Variants in GBE1 observed in about 807,000 individuals in gnomAD.
GBE1 encodes 1,4-alpha-glucan branching enzyme 1, also known as 1,4-alpha-glucan-branching enzyme.
Under a neutral mutation model 88.8 loss-of-function variants are expected in GBE1, and 70 were observed. That is an observed-to-expected ratio of 0.79 (90% confidence interval 0.65 to 0.96). The LOEUF is 0.96. Among genes scored for constraint, GBE1 ranks in the 40% least tolerant of loss-of-function variants. The pLI, the probability that GBE1 is intolerant of heterozygous loss-of-function variation, is 0.00. For missense variants in GBE1, 872 were observed against 871.0 expected (o/e 1.00, Z -0.01); for synonymous variants, 284 against 300.1 (o/e 0.95, Z 0.56).
intron 14 of GBE1, chr3:81,534,986 A>G: frequency 2.0e-6 from 1 of 496,846 alleles, no homozygotes; most frequent in Non-Finnish European, 3.5e-6. Context: ...CCCTCTGTTT[A>G]AACCCAAAAT....
intron 1 of GBE1, among the ~76,000 whole-genome samples, chr3:81,760,489 T>G (rs546579132): frequency 6.6e-6 from 1 of 152,354 alleles, no homozygotes; most frequent in East Asian, 1.9e-4. Context: ...CATTCTGCAG[T>G]GTCTCTCCTA....
chr3:81,546,688 G>C (rs1389962109), intron 12 of GBE1, among the ~76,000 whole-genome samples: 2 of 151,434 alleles, frequency 1.3e-5, no homozygotes, highest in Non-Finnish European at 3.0e-5. Context: ...TACCCTCTAT[G>C]GTCTAAAAGT....
At chr3:81,562,350 T>A (rs1009460441) in intron 12 of GBE1, among the ~76,000 whole-genome samples, 1 of 152,142 alleles carries the variant, frequency 6.6e-6, no homozygotes, top group African/African-American at 2.4e-5. Flanking sequence ...TCTGGATGAA[T>A]GACTGTAGTT....
chr3:81,615,115 A>G (rs1454319454), intron 7 of GBE1, among the ~76,000 whole-genome samples: 1 of 152,242 alleles, frequency 6.6e-6, no homozygotes, highest in Non-Finnish European at 1.5e-5. Context: ...AATGAAGACT[A>G]CTGCCAAATG....
At chr3:81,524,558 T>C (rs1702918951) in intron 14 of GBE1, among the ~76,000 whole-genome samples, 1 of 151,792 alleles carries the variant, frequency 6.6e-6, no homozygotes, top group Non-Finnish European at 1.5e-5. Context: ...GATTTCAGTC[T>C]TTAATCCACT....
chr3:81,510,738 A>C (rs1559628823), intron 14 of GBE1, among the ~76,000 whole-genome samples: 1 of 152,090 alleles, frequency 6.6e-6, no homozygotes, highest in Non-Finnish European at 1.5e-5. Flanking sequence ...TGGAAATAAA[A>C]AATAAAAAAT....
At chr3:81,738,437 C>T (rs879212216) in intron 1 of GBE1, among the ~76,000 whole-genome samples, 5 of 151,952 alleles carry the variant, frequency 3.3e-5, no homozygotes, top group Non-Finnish European at 7.4e-5. Flanking sequence ...TTTTTAATGA[C>T]TGCCATTCTA....
In GBE1 at chr3:81,646,476, T is replaced by G; in HGVS notation, c.698A>C (p.Asn233Thr). 1 of 1,580,798 alleles carries G rather than the reference T, an allele frequency of 6.3e-7. No individual in the cohort carries two copies. The highest frequency in any genetic ancestry group is 8.6e-7 in the Non-Finnish European group (1 of 1,156,952). ...CATGATTGCCATCAACTGAATGCAG[T>G]TGTATCCTATATAAGGCAATGGTCA... ...VLPRIKGLGY[N>T]CIQLMAIMEH... is the part of the protein sequence containing the mutation. The change falls in exon 6 of 16, where the codon AAC (asparagine) becomes ACC (threonine). Residue 233 changes from asparagine (N) to threonine (T), a missense_variant. Transcript: ENST00000429644.
At chr3:81,620,641 C>T (rs1238792323) in intron 7 of GBE1, among the ~76,000 whole-genome samples, 2 of 151,728 alleles carry the variant, frequency 1.3e-5, no homozygotes, top group Non-Finnish European at 2.9e-5. Flanking sequence ...TGACGTGGTC[C>T]GGTAAAAAGA....
At chr3:81,501,686 CTT>C (rs35149061) in intron 14 of GBE1, among the ~76,000 whole-genome samples, 15 of 71,994 alleles carry the variant, frequency 2.1e-4, no homozygotes, top group Middle Eastern at 0.011. Flanking sequence ...CTTAGGGGCA[CTT>C]TTTTTTTTTT....
chr3:81,631,868 C>A (rs915461569), intron 7 of GBE1, among the ~76,000 whole-genome samples: 1 of 152,066 alleles, frequency 6.6e-6, no homozygotes. Flanking sequence ...GTTTGTTACA[C>A]AGATATACAT....
chr3:81,588,640 A>G (rs1703832312), intron 9 of GBE1, among the ~76,000 whole-genome samples: 2 of 152,188 alleles, frequency 1.3e-5, no homozygotes. Flanking sequence ...CTCAAAAAAA[A>G]GTATCAAAGA....
intron 14 of GBE1, among the ~76,000 whole-genome samples, chr3:81,503,564 G>A (rs913864099): frequency 5.9e-5 from 9 of 152,274 alleles, no homozygotes; most frequent in Non-Finnish European, 1.3e-4. Flanking sequence ...TGGGAAAGGA[G>A]AGACATAGAC....
intron 7 of GBE1, among the ~76,000 whole-genome samples, chr3:81,625,142 A>G (rs1467739054): frequency 1.3e-5 from 2 of 152,038 alleles, no homozygotes; most frequent in East Asian, 3.9e-4. Flanking sequence ...GGTGTGGGGA[A>G]GAAAAACACA....
At position 81,732,717 on chromosome 3, in the gene GBE1, C is replaced by T. The variant is rs536517144; in HGVS notation, c.144-27104G>A. ...TAGCCATAACTAGTCGTCCTGTTTA[C>T]ATCCTTGCCTCCTACAATCTATTTT... is the stretch of plus-strand genomic sequence containing the variant. On this transcript the variant is annotated intron_variant, in intron 1 of 15. Coordinates refer to ENST00000429644, the MANE Select transcript of GBE1 (RefSeq NM_000158.4). Among the ~76,000 whole-genome samples the T allele has an allele frequency of 1.2e-4, 19 of 152,294 alleles. No homozygotes were observed. The South Asian group carries it at 3.9e-3, about 32-fold the overall frequency.
At chr3:81,648,203 C>T (rs1704794129) in intron 5 of GBE1, among the ~76,000 whole-genome samples, 1 of 152,074 alleles carries the variant, frequency 6.6e-6, no homozygotes, top group Non-Finnish European at 1.5e-5. Flanking sequence ...TATCCTCCTG[C>T]CTAGTCATTG....
At chr3:81,624,919 T>C (rs1332759772) in intron 7 of GBE1, among the ~76,000 whole-genome samples, 1 of 152,130 alleles carries the variant, frequency 6.6e-6, no homozygotes, top group Non-Finnish European at 1.5e-5. Flanking sequence ...GGAAACTTTC[T>C]AGCAGCAGCC....
chr3:81,658,844 T>C (rs1160696763), intron 3 of GBE1, among the ~76,000 whole-genome samples: 1 of 152,184 alleles, frequency 6.6e-6, no homozygotes, highest in African/African-American at 2.4e-5. Context: ...TTGAAAACGA[T>C]ATCCCTGAAC....
At chr3:81,518,255 A>G (rs1002120059) in intron 14 of GBE1, among the ~76,000 whole-genome samples, 1 of 151,384 alleles carries the variant, frequency 6.6e-6, no homozygotes. Flanking sequence ...AAGTGAAGAG[A>G]CCATCATTGC....
Sources: allele counts gnomAD v4.1 joint callset (sites outside exome capture counted in the v4.1 genomes callset), GRCh38; gene constraint gnomAD v4.1.1; transcripts MANE v1.5; gene names NCBI Gene and HGNC (gene_info 2026-07-23, HGNC 2026-07-21).